The following APBA1 variants were observed in gnomAD, a reference collection of about 807,000 sequenced individuals.
The protein encoded by APBA1 is amyloid-beta A4 precursor protein-binding family A member 1.
In APBA1, 55 loss-of-function variants were observed where a neutral mutation model predicts 86.6. The observed-to-expected ratio is 0.64, with a 90% confidence interval of 0.51 to 0.80. The LOEUF is 0.80. Among genes scored for constraint, APBA1 ranks in the 30% least tolerant of loss-of-function variants. APBA1 has a pLI of 0.00. For missense variants in APBA1, 1,090 were observed against 1,183.0 expected (o/e 0.92, Z 1.15); for synonymous variants, 511 against 493.9 (o/e 1.03, Z -0.46).
At chr9:69,520,693 C>T (rs1836238288) in intron 1 of APBA1, among the ~76,000 whole-genome samples, 1 of 152,290 alleles carries the variant, frequency 6.6e-6, no homozygotes, top group Middle Eastern at 3.4e-3. Flanking sequence ...CGCTCTCAAA[C>T]TGGGTTCCCT....
chr9:69,574,478 C>A (rs756423218), intron 1 of APBA1, among the ~76,000 whole-genome samples: 16 of 152,026 alleles, frequency 1.1e-4, no homozygotes, highest in Non-Finnish European at 2.2e-4. Flanking sequence ...AAAAAAAATC[C>A]TCTCTATATA....
chr9:69,475,560 G>A (rs186023675), intron 3 of APBA1, among the ~76,000 whole-genome samples: 2 of 152,292 alleles, frequency 1.3e-5, no homozygotes, highest in East Asian at 3.9e-4. Context: ...GGGAATGTAT[G>A]GCCACTCTAT....
chr9:69,601,893 T>A (rs892790454), intron 1 of APBA1, among the ~76,000 whole-genome samples: 2 of 152,170 alleles, frequency 1.3e-5, no homozygotes, highest in African/African-American at 4.8e-5. Context: ...TACCAAACAA[T>A]GCTCAGGCTC....
At chr9:69,667,993 C>T (rs997396479) in intron 1 of APBA1, among the ~76,000 whole-genome samples, 1 of 152,184 alleles carries the variant, frequency 6.6e-6, no homozygotes, top group South Asian at 2.1e-4. Flanking sequence ...TTCCATGACA[C>T]TGTACCACTT....
rs1564102234 is a variant in APBA1 at position 69,648,817 on chromosome 9, C to T, written c.-70+23336G>A. Among the ~76,000 whole-genome samples the T allele has an allele frequency of 5.3e-5, 8 of 152,138 alleles. No homozygotes were observed. In the South Asian group the frequency reaches 1.7e-3, roughly 32 times the overall value. On this transcript the variant is annotated intron_variant, in intron 1 of 12. Coordinates refer to ENST00000265381, the MANE Select transcript of APBA1 (RefSeq NM_001163.4). ...AGCATAATCTCTCATCCAGAACTCC[C>T]CTTTGAATTTGAGATCCTATATCTA...
intron 1 of APBA1, among the ~76,000 whole-genome samples, chr9:69,532,163 T>C (rs1210008643): frequency 6.8e-6 from 1 of 147,902 alleles, no homozygotes; most frequent in Non-Finnish European, 1.5e-5. Context: ...GGGGAGGTTG[T>C]GTGTGTGTAG....
intron 1 of APBA1, among the ~76,000 whole-genome samples, chr9:69,544,780 A>G (rs151185039): frequency 6.6e-6 from 1 of 152,346 alleles, no homozygotes; most frequent in East Asian, 1.9e-4. Flanking sequence ...TTTTCAGTCT[A>G]TAGAGAATGC....
intron 1 of APBA1, among the ~76,000 whole-genome samples, chr9:69,540,796 G>A (rs186380161): frequency 4.4e-4 from 67 of 152,108 alleles, no homozygotes; most frequent in Admixed American, 2.0e-3. Flanking sequence ...ACTGGGTCTC[G>A]CCACATTGCC....
intron 11 of APBA1, 137 bp downstream of exon 11, chr9:69,440,859 C>G: frequency 8.8e-7 from 1 of 1,141,554 alleles, no homozygotes; most frequent in Non-Finnish European, 1.2e-6. Flanking sequence ...AGAAATTACC[C>G]GTCTTCTGCA....
chr9:69,528,065 G>A (rs928827805), intron 1 of APBA1, among the ~76,000 whole-genome samples: 1 of 152,066 alleles, frequency 6.6e-6, no homozygotes, highest in South Asian at 2.1e-4. Context: ...TCCAAAAGAT[G>A]GCTTTAAAAA....
chr9:69,472,607 C>T (rs1835383291), intron 3 of APBA1: 1 of 152,170 alleles, frequency 6.6e-6, no homozygotes, highest in Non-Finnish European at 1.5e-5. Context: ...TTTGCATGGC[C>T]AAGAATTCCA....
At chr9:69,630,975 C>G (rs949978610) in intron 1 of APBA1, among the ~76,000 whole-genome samples, 13 of 152,140 alleles carry the variant, frequency 8.5e-5, no homozygotes, top group Admixed American at 3.3e-4. Flanking sequence ...ACTGAATGAC[C>G]TTGAGCAAGA....
At chr9:69,570,378 G>T (rs1837096838) in intron 1 of APBA1, among the ~76,000 whole-genome samples, 1 of 152,146 alleles carries the variant, frequency 6.6e-6, no homozygotes, top group Admixed American at 6.6e-5. Flanking sequence ...GTCACAATCT[G>T]GGGGAGTTAA....
intron 10 of APBA1, among the ~76,000 whole-genome samples, chr9:69,441,973 G>A (rs745839298): frequency 3.1e-4 from 47 of 152,216 alleles, no homozygotes; most frequent in Non-Finnish European, 6.0e-4. Flanking sequence ...AGCAGTGACA[G>A]AAGCCCTGGT....
intron 1 of APBA1, among the ~76,000 whole-genome samples, chr9:69,528,953 T>C (rs1836384050): frequency 6.6e-6 from 1 of 152,096 alleles, no homozygotes; most frequent in Middle Eastern, 3.2e-3. Context: ...CACTTCAAAT[T>C]TACTGCTATT....
At chr9:69,657,174 A>G (rs1039068680) in intron 1 of APBA1, among the ~76,000 whole-genome samples, 2 of 152,208 alleles carry the variant, frequency 1.3e-5, no homozygotes, top group African/African-American at 4.8e-5. Context: ...ACCTGCCTAA[A>G]ATTTTATTCC....
At chr9:69,627,386 T>C (rs1005468535) in intron 1 of APBA1, among the ~76,000 whole-genome samples, 2 of 152,142 alleles carry the variant, frequency 1.3e-5, no homozygotes, top group African/African-American at 4.8e-5. Context: ...CTCTAGAGAA[T>C]ATATCCTCCC....
intron 1 of APBA1, among the ~76,000 whole-genome samples, chr9:69,544,448 A>C (rs1230554997): frequency 6.6e-6 from 1 of 152,234 alleles, no homozygotes; most frequent in Non-Finnish European, 1.5e-5. Context: ...CCCATGCAGT[A>C]AGATGTCTTT....
rs75526661 is a variant in APBA1 at position 69,547,004 on chromosome 9, A to G, written c.-69-29725T>C. On this transcript the variant is annotated intron_variant, in intron 1 of 12. Coordinates refer to ENST00000265381, the MANE Select transcript of APBA1 (RefSeq NM_001163.4). ...TTTTGAAATTATTAGGGCTAAATTT[A>G]GTATTAAGAAAGTTCCTTTTTCACA... Among the ~76,000 whole-genome samples the G allele has an allele frequency of 2.9e-3, 442 of 152,364 alleles. 3 individuals carry two copies. Among genetic ancestry groups the G allele is most frequent in the African/African-American group, 0.01 (424 of 41,590 alleles).
Sources: gnomAD v4.1 joint callset for allele counts (sites outside exome capture counted in the v4.1 genomes callset) on GRCh38, gnomAD v4.1.1 for gene constraint, MANE v1.5 for transcripts, NCBI Gene and HGNC (gene_info 2026-07-23, HGNC 2026-07-21) for gene names.